ZPBP: variants seen among roughly 807,000 people sequenced by gnomAD.
ZPBP encodes the protein zona pellucida-binding protein 1.
A neutral mutation model predicts 44.8 loss-of-function variants in ZPBP; 26 were observed. That is an observed-to-expected ratio of 0.58 (90% CI 0.43 to 0.81). ZPBP has a LOEUF of 0.81. Ranked by LOEUF, ZPBP falls within the 30% of genes least tolerant of loss-of-function variation. The probability of loss-of-function intolerance (pLI) is 0.00; values close to 1 mark genes in which losing one functional copy is unlikely to be tolerated. For missense variants in ZPBP, 409 were observed against 434.0 expected, an observed-to-expected ratio of 0.94 and a Z score of 0.51; for synonymous variants, 174 against 153.2, an observed-to-expected ratio of 1.14 and a Z score of -1.00.
At chr7:49,911,901 A>T in intron 1 of ZPBP, 1 of 633,944 alleles carries the variant, frequency 1.6e-6, no homozygotes, top group Non-Finnish European at 2.2e-6. Context: ...TGTCTCAAAA[A>T]CAAACAAACA....
intron 2 of ZPBP, among the ~76,000 whole-genome samples, chr7:49,859,752 T>C (rs2128719738): frequency 6.6e-6 from 1 of 152,152 alleles, no homozygotes; most frequent in East Asian, 1.9e-4. Context: ...TATTTCTCCC[T>C]ACAGATGTAC....
intron 4 of ZPBP, among the ~76,000 whole-genome samples, chr7:50,044,906 C>A (rs1800269991): frequency 1.3e-5 from 2 of 151,986 alleles, no homozygotes; most frequent in South Asian, 4.1e-4. Flanking sequence ...TGTGAAAATC[C>A]TCAATAAAAT....
rs1031283199 is a variant in ZPBP at position 50,081,811 on chromosome 7, T to G, written c.297A>C (p.Ser99=). Residue 99 remains serine (S), a synonymous_variant, in exon 3 of 8, where the codon TCA becomes TCC. Transcript: ENST00000046087. ...QLRNAELIDP[S]FQWYGPKGKV... ...TTCCTTTAGGCCCATACCATTGGAA[T>G]GATGGGTCTATCAGTTCAGCATTTC... is the stretch of plus-strand genomic sequence containing the variant. 1.2e-6 allele frequency: 2 copies of G among 1,611,608 alleles called. No homozygotes were observed.
chr7:50,031,144 G>A lies in ZPBP; in HGVS notation c.654C>T (p.Arg218=), dbSNP rs984140845. ...EISLLKSECH[R]VKMQRAGLQN... is the part of the protein sequence containing the mutation. The stretch of plus-strand genomic sequence containing the variant: ...GCAAACCAGCTCTTTGCATTTTAAC[G>A]CGATGGCATTCAGACTTAAGTAAGG... Residue 218 remains arginine, a synonymous_variant, in exon 5 of 8, where the codon CGC becomes CGT. Coordinates refer to ENST00000046087, the MANE Select transcript of ZPBP (RefSeq NM_007009.3). The A allele has an allele frequency of 6.2e-6, 10 of 1,613,534 alleles. No individual in the cohort carries two copies. Among genetic ancestry groups the A allele is most frequent in the East Asian group, 2.2e-5 (1 of 44,816 alleles).
intron 7 of ZPBP, among the ~76,000 whole-genome samples, chr7:49,965,276 A>T (rs564435420): frequency 6.6e-6 from 1 of 152,110 alleles, no homozygotes; most frequent in Non-Finnish European, 1.5e-5. Context: ...TCATCAGGTA[A>T]AAAAGAAAAA....
At chr7:49,915,387 C>G (rs1298614195) in intron 1 of ZPBP, 1 of 152,174 alleles carries the variant, frequency 6.6e-6, no homozygotes, top group East Asian at 1.9e-4. Flanking sequence ...ATTTCATCAC[C>G]TGCTTTGTGC....
At chr7:50,017,951 A>C (rs1798895998) in intron 6 of ZPBP, among the ~76,000 whole-genome samples, 1 of 152,130 alleles carries the variant, frequency 6.6e-6, no homozygotes, top group African/African-American at 2.4e-5. Context: ...ACAATATTCT[A>C]TCTGAATAAT....
At chr7:50,033,073 T>G (rs775024172) in intron 4 of ZPBP, among the ~76,000 whole-genome samples, 1 of 152,166 alleles carries the variant, frequency 6.6e-6, no homozygotes, top group Non-Finnish European at 1.5e-5. Flanking sequence ...CATTGCTGAT[T>G]ACTTTTTTTT....
chr7:49,907,776 T>C (rs988142777), intron 1 of ZPBP, among the ~76,000 whole-genome samples: 1 of 152,210 alleles, frequency 6.6e-6, no homozygotes, highest in African/African-American at 2.4e-5. Flanking sequence ...TATTCAAAGA[T>C]GTTCTGATTG....
chr7:49,969,404 A>AC (rs1223546384), intron 7 of ZPBP, among the ~76,000 whole-genome samples: 2 of 151,134 alleles, frequency 1.3e-5, no homozygotes. Flanking sequence ...CTGACACAAA[A>AC]TATACAATCT....
At chr7:49,928,856 C>T (rs775782284) in intron 1 of ZPBP, among the ~76,000 whole-genome samples, 1 of 152,186 alleles carries the variant, frequency 6.6e-6, no homozygotes, top group Non-Finnish European at 1.5e-5. Context: ...GGAACCGGCA[C>T]AAATCCAAAA....
intron 7 of ZPBP, among the ~76,000 whole-genome samples, chr7:49,950,594 TATA>T (rs1795300059): frequency 6.6e-6 from 1 of 151,770 alleles, no homozygotes; most frequent in African/African-American, 2.4e-5. Context: ...TATGTGTTAA[TATA>T]TGTGTATGTC....
At chr7:49,970,422 C>A (rs993813095) in intron 7 of ZPBP, among the ~76,000 whole-genome samples, 2 of 143,380 alleles carry the variant, frequency 1.4e-5, no homozygotes, top group Non-Finnish European at 3.0e-5. Context: ...ACCAATCAGA[C>A]CTAAGAGTAT....
intron 7 of ZPBP, chr7:49,943,559 CT>C: frequency 2.6e-6 from 1 of 386,358 alleles, no homozygotes. Context: ...ATAAATGCTC[CT>C]TTGCGAAAGG....
In ZPBP at chr7:50,067,338, A is replaced by G. The variant is rs577552068; in HGVS notation, c.335-9197T>C. ...CTTTATTTTTTTACTTCCAGCAGTTAAAATCTTTTTTTTTCCTTCGTAAAT... is the reference window on the plus strand; with the variant it reads ...CTTTATTTTTTTACTTCCAGCAGTTGAAATCTTTTTTTTTCCTTCGTAAAT... On this transcript the variant is annotated intron_variant, in intron 3 of 7. Transcript: ENST00000046087. 7.9e-5 allele frequency among the ~76,000 whole-genome samples: 12 copies of G among 152,242 alleles called. No homozygotes were observed. In the South Asian group the frequency reaches 2.5e-3, roughly 32 times the overall value.
intron 2 of ZPBP, among the ~76,000 whole-genome samples, chr7:50,086,124 T>G (rs534739554): frequency 1.3e-5 from 2 of 152,176 alleles, no homozygotes; most frequent in African/African-American, 4.8e-5. Flanking sequence ...TAAGCAGAGA[T>G]TTCAGTGGTT....
downstream of ZPBP, chr7:49,937,345 A>G (rs1232553323): frequency 1.8e-6 from 1 of 560,062 alleles, no homozygotes; most frequent in East Asian, 3.1e-5. Context: ...TAGGTTTGGC[A>G]TTAATGGATA....
intron 6 of ZPBP, among the ~76,000 whole-genome samples, chr7:50,008,986 T>C (rs1330064570): frequency 3.9e-5 from 6 of 152,056 alleles, no homozygotes; most frequent in South Asian, 2.1e-4. Context: ...GTAATCTCAG[T>C]ACTTTGGGAG....
At chr7:49,986,783 C>A (rs774964410) in intron 6 of ZPBP, among the ~76,000 whole-genome samples, 1 of 152,104 alleles carries the variant, frequency 6.6e-6, no homozygotes, top group Non-Finnish European at 1.5e-5. Context: ...ATTTGTGAGG[C>A]TGGTCTTAAG....
Sources: allele counts gnomAD v4.1 joint callset (sites outside exome capture counted in the v4.1 genomes callset), GRCh38; gene constraint gnomAD v4.1.1; transcripts MANE v1.5; gene names NCBI Gene and HGNC (gene_info 2026-07-23, HGNC 2026-07-21).